Variants in ANK3 observed in about 807,000 individuals in gnomAD.
ANK3 encodes the protein ankyrin 3, also known as ankyrin-3.
A neutral mutation model predicts 370.9 loss-of-function variants in ANK3; 57 were observed. That is an observed-to-expected ratio of 0.15 (90% CI 0.12 to 0.19). ANK3 has a LOEUF of 0.19. ANK3 is among the 10% of genes least tolerant of loss of function. The probability of loss-of-function intolerance (pLI) is 1.00; values close to 1 mark genes in which losing one functional copy is unlikely to be tolerated. For missense variants in ANK3, 4,439 were observed against 5,302.1 expected (o/e 0.84, Z 5.06); for synonymous variants, 1,929 against 1,946.3 (o/e 0.99, Z 0.23).
intron 1 of ANK3, among the ~76,000 whole-genome samples, chr10:60,709,797 C>T (rs1284286561): frequency 6.7e-6 from 1 of 148,602 alleles, no homozygotes; most frequent in Non-Finnish European, 1.5e-5. Context: ...CACTACACTC[C>T]AGCCTCACTG....
chr10:60,229,721 C>CAGT (rs959068497), intron 8 of ANK3, among the ~76,000 whole-genome samples: 1 of 152,016 alleles, frequency 6.6e-6, no homozygotes, highest in Non-Finnish European at 1.5e-5. Context: ...ACCATAGGAC[C>CAGT]AGTATAAAGT....
chr10:60,582,302 T>C (rs1461906763), intron 2 of ANK3, among the ~76,000 whole-genome samples: 1 of 152,112 alleles, frequency 6.6e-6, no homozygotes, highest in Non-Finnish European at 1.5e-5. Context: ...CTGCAGCTTA[T>C]CCAGAACCAC....
At chr10:60,260,478 A>C (rs1004374880) in intron 7 of ANK3, among the ~76,000 whole-genome samples, 6 of 152,178 alleles carry the variant, frequency 3.9e-5, no homozygotes, top group Non-Finnish European at 8.8e-5. Context: ...AGGGTTCAGC[A>C]AAAAATAAGA....
intron 35 of ANK3, 78 bp from the exon 36 acceptor site, chr10:60,080,696 T>C (rs1164561607): frequency 8.9e-7 from 1 of 1,129,316 alleles, no homozygotes; most frequent in Non-Finnish European, 1.3e-6. Context: ...TTTTGTAGGA[T>C]GGCATGTTGA....
At chr10:60,196,711 A>C (rs1404124884) in intron 14 of ANK3, 86 bp from the exon 15 acceptor site, 8 of 817,338 alleles carry the variant, frequency 9.8e-6, no homozygotes, top group Non-Finnish European at 1.4e-5. Context: ...CAACAAACAA[A>C]CAAAAAGATA....
At chr10:60,719,060 A>C (rs1291296364) in intron 1 of ANK3, among the ~76,000 whole-genome samples, 1 of 152,156 alleles carries the variant, frequency 6.6e-6, no homozygotes, top group African/African-American at 2.4e-5. Flanking sequence ...GAACGGCCTC[A>C]ATTCAGACAA....
chr10:60,718,361 T>C (rs148828759), intron 1 of ANK3, among the ~76,000 whole-genome samples: 37 of 152,300 alleles, frequency 2.4e-4, no homozygotes, highest in Non-Finnish European at 4.3e-4. Context: ...ATTTAAACTT[T>C]ACAGGCAAAG....
intron 28 of ANK3, among the ~76,000 whole-genome samples, chr10:60,098,770 T>C (rs1337403466): frequency 6.6e-6 from 1 of 152,234 alleles, no homozygotes; most frequent in Non-Finnish European, 1.5e-5. Context: ...CTCATATTCT[T>C]ATCCAATTCT....
intron 2 of ANK3, among the ~76,000 whole-genome samples, chr10:60,590,925 C>T (rs530121152): frequency 6.8e-4 from 103 of 152,064 alleles, no homozygotes; most frequent in African/African-American, 2.4e-3. Context: ...TTGTTGAATA[C>T]GTGAATGCAG....
At chr10:60,648,999 ACT>A (rs1257086754) in intron 1 of ANK3, among the ~76,000 whole-genome samples, 2 of 151,666 alleles carry the variant, frequency 1.3e-5, no homozygotes, top group African/African-American at 4.8e-5. Flanking sequence ...TGCTCCCACG[ACT>A]CTTTTTCTTG....
chr10:60,029,713 C>T lies in ANK3; in HGVS notation c.*133G>A, dbSNP rs1455495197. The T allele has an allele frequency of 1.3e-5, 2 of 151,730 alleles. No homozygotes were observed. The highest frequency in any genetic ancestry group is 4.9e-5 in the African/African-American group (2 of 41,112). The allele number at this position is 151,730 out of a possible 1,614,324, so 9.4% of individuals were successfully genotyped here. ...TCTTTTCTTTTTGCATAAAAAAAATCATGCCATTAATGTGTGGAAGCAGCG... is the reference window on the plus strand; with the variant it reads ...TCTTTTCTTTTTGCATAAAAAAAATTATGCCATTAATGTGTGGAAGCAGCG... On this transcript the variant is annotated 3_prime_UTR_variant, in exon 44 of 44. Coordinates refer to ENST00000280772, the MANE Select transcript of ANK3 (RefSeq NM_020987.5).
intron 1 of ANK3, among the ~76,000 whole-genome samples, chr10:60,380,421 A>G (rs959746052): frequency 3.9e-5 from 6 of 152,306 alleles, no homozygotes; most frequent in African/African-American, 1.2e-4. Flanking sequence ...GAAAAAGCAC[A>G]GGGCTGGAAA....
intron 2 of ANK3, among the ~76,000 whole-genome samples, chr10:60,471,603 T>A (rs1490920257): frequency 6.6e-6 from 1 of 152,166 alleles, no homozygotes; most frequent in Non-Finnish European, 1.5e-5. Context: ...CTGGATACAT[T>A]CATAGCAGTG....
chr10:60,093,576 G>A (rs2089282703), intron 28 of ANK3, among the ~76,000 whole-genome samples: 1 of 152,204 alleles, frequency 6.6e-6, no homozygotes, highest in Non-Finnish European at 1.5e-5. Context: ...CTGGGTATAT[G>A]TGCACACATT....
intron 2 of ANK3, among the ~76,000 whole-genome samples, chr10:60,581,014 C>A (rs1473234002): frequency 3.3e-5 from 5 of 152,204 alleles, no homozygotes; most frequent in African/African-American, 1.2e-4. Flanking sequence ...ACTTAATAAA[C>A]ATGCATAGCC....
intron 1 of ANK3, among the ~76,000 whole-genome samples, chr10:60,674,697 A>C (rs2079103129): frequency 6.6e-6 from 1 of 152,228 alleles, no homozygotes; most frequent in Non-Finnish European, 1.5e-5. Flanking sequence ...AATTTTGACT[A>C]TCCCCCAAAA....
chr10:60,388,986 CATGT>C (rs1046099512), intron 1 of ANK3, among the ~76,000 whole-genome samples: 110 of 152,278 alleles, frequency 7.2e-4, no homozygotes, highest in African/African-American at 2.6e-3. Flanking sequence ...GAAACGCACG[CATGT>C]GACACAGTTC....
At chr10:60,065,293 T>C (rs773974741) in intron 38 of ANK3, among the ~76,000 whole-genome samples, 5 of 152,160 alleles carry the variant, frequency 3.3e-5, no homozygotes, top group Admixed American at 6.5e-5. Context: ...GAGGGAAACT[T>C]AGGAGTCAGA....
intron 1 of ANK3, among the ~76,000 whole-genome samples, chr10:60,329,074 A>G (rs559002826): frequency 6.6e-6 from 1 of 152,298 alleles, no homozygotes; most frequent in South Asian, 2.1e-4. Flanking sequence ...CCTTCAATAA[A>G]ATTCAACATC....
Sources: allele counts gnomAD v4.1 joint callset (sites outside exome capture counted in the v4.1 genomes callset), GRCh38; gene constraint gnomAD v4.1.1; transcripts MANE v1.5; gene names NCBI Gene and HGNC (gene_info 2026-07-23, HGNC 2026-07-21).